The following GRIK1 variants were observed in gnomAD, a reference collection of about 807,000 sequenced individuals.
The protein encoded by GRIK1 is glutamate receptor ionotropic, kainate 1.
In GRIK1, 69 loss-of-function variants were observed where a neutral mutation model predicts 105.7. That is an observed-to-expected ratio of 0.65 (90% CI 0.54 to 0.80). The LOEUF is 0.80. GRIK1 is among the 30% of genes least tolerant of loss of function. The pLI is 0.00. For synonymous variants in GRIK1, 438 were observed against 431.3 expected, an observed-to-expected ratio of 1.02 and a Z score of -0.19; for missense variants, 1,109 against 1,167.3, an observed-to-expected ratio of 0.95 and a Z score of 0.73.
intron 1 of GRIK1, among the ~76,000 whole-genome samples, chr21:29,921,919 A>T (rs1017665820): frequency 1.3e-5 from 2 of 152,162 alleles, no homozygotes; most frequent in Non-Finnish European, 2.9e-5. Flanking sequence ...ACAATCTAAG[A>T]ATAATTTTGC....
rs551273453 is a variant in GRIK1, at chr21:29,743,200, T to A, written c.119-49137A>T. On this transcript the variant is annotated intron_variant, in intron 1 of 17. Transcript: ENST00000327783. Reference sequence around the variant, plus strand: ...ATGAAGCAAATGTGGCAGAATGGTGTCAAGTGATGGCTCACTGAAGGGCAT... The same window carrying A: ...ATGAAGCAAATGTGGCAGAATGGTGACAAGTGATGGCTCACTGAAGGGCAT... Among the ~76,000 whole-genome samples the A allele has an allele frequency of 1.2e-4, 18 of 152,308 alleles. No homozygotes were observed. The South Asian group carries it at 3.5e-3, about 30-fold the overall frequency.
In GRIK1 at chr21:29,701,491, C is replaced by T. The variant is rs551810590; in HGVS notation, c.119-7428G>A. On this transcript the variant is annotated intron_variant, in intron 1 of 17. Coordinates refer to ENST00000327783, the MANE Select transcript of GRIK1 (RefSeq NM_001330994.2). Reference sequence around the variant, plus strand: ...GAGCTGGGCTTGGACTGGTAGAAGACGAGCTCAGAGAAGTGATGGGTGGAT... The same window carrying T: ...GAGCTGGGCTTGGACTGGTAGAAGATGAGCTCAGAGAAGTGATGGGTGGAT... Among the ~76,000 whole-genome samples, 8 of 152,208 alleles carry T rather than the reference C, an allele frequency of 5.3e-5. No individual in the cohort carries two copies. In the East Asian group the frequency reaches 9.7e-4, roughly 18 times the overall value.
At chr21:29,887,289 C>A (rs1446627200) in intron 1 of GRIK1, among the ~76,000 whole-genome samples, 2 of 152,158 alleles carry the variant, frequency 1.3e-5, no homozygotes, top group African/African-American at 4.8e-5. Flanking sequence ...ATAAGTGTCA[C>A]TTACTTCTTT....
chr21:29,774,446 CTTTTTTTT>C (rs34378438), intron 1 of GRIK1, among the ~76,000 whole-genome samples: 2 of 102,432 alleles, frequency 2.0e-5, no homozygotes, highest in African/African-American at 3.4e-5. Flanking sequence ...TTATTTTGCT[CTTTTTTTT>C]TTTTTTTTTT....
At chr21:29,621,976 C>T (rs1045968969) in intron 7 of GRIK1, among the ~76,000 whole-genome samples, 3 of 148,680 alleles carry the variant, frequency 2.0e-5, no homozygotes, top group African/African-American at 7.4e-5. Flanking sequence ...GTTGGAGTTT[C>T]GCTCTTGTTG....
chr21:29,608,374 T>C (rs938704998), intron 7 of GRIK1, among the ~76,000 whole-genome samples: 1 of 152,130 alleles, frequency 6.6e-6, no homozygotes, highest in Admixed American at 6.6e-5. Context: ...GGAAACAGAA[T>C]TTTATTTACC....
chr21:29,673,036 A>T lies in GRIK1; in HGVS notation c.673T>A (p.Phe225Ile), dbSNP rs750159587. The T allele has an allele frequency of 1.9e-5, 30 of 1,613,288 alleles. No homozygotes were observed. In the East Asian group the frequency reaches 6.7e-4, roughly 36 times the overall value. ...LLKEMKKGKE[F>I]YVIFDCSHET... ...TGTGAACAATCAAATATCACATAGAACTCCTTGCCTTTCTTCATCTCCTTG... is the reference window on the plus strand; with the variant it reads ...TGTGAACAATCAAATATCACATAGATCTCCTTGCCTTTCTTCATCTCCTTG... Residue 225 changes from phenylalanine (F) to isoleucine (I), a missense_variant, in exon 4 of 18, where the codon TTC (phenylalanine) becomes ATC (isoleucine). Phe to Ile is a conservative substitution (Grantham distance 21). Transcript: ENST00000327783.
intron 17 of GRIK1, 27 bp downstream of exon 17, chr21:29,537,771 C>A (rs1191858073): frequency 4.8e-6 from 5 of 1,050,098 alleles, no homozygotes; most frequent in Non-Finnish European, 7.5e-6. Context: ...ACGGACACTT[C>A]AGTAATGCTA....
At chr21:29,560,519 C>CCTTCCTTCCTTTCTTTCTTT (rs2090436242) in intron 15 of GRIK1, among the ~76,000 whole-genome samples, 2 of 57,812 alleles carry the variant, frequency 3.5e-5, no homozygotes, top group African/African-American at 9.4e-5. Context: ...TTCCTTCCTT[C>CCTTCCTTCCTTTCTTTCTTT]CTTTCTTTCT....
chr21:29,572,624 G>T (rs1025348132), intron 14 of GRIK1, among the ~76,000 whole-genome samples: 2 of 152,160 alleles, frequency 1.3e-5, no homozygotes, highest in Non-Finnish European at 2.9e-5. Context: ...TCATGGAACT[G>T]ACTTTCTAGA....
At chr21:29,909,342 T>G (rs1412527162) in intron 1 of GRIK1, among the ~76,000 whole-genome samples, 1 of 151,968 alleles carries the variant, frequency 6.6e-6, no homozygotes, top group Admixed American at 6.6e-5. Context: ...ATTGGCTCCT[T>G]TGTGAGGTTT....
Position 29,833,063 on chromosome 21 carries a change from C to T in GRIK1, c.118+106320G>A, listed in dbSNP as rs569244709. Among the ~76,000 whole-genome samples, 36 of 152,276 alleles carry T rather than the reference C, an allele frequency of 2.4e-4. 1 individual carries two copies. The South Asian group carries it at 7.5e-3, about 32-fold the overall frequency. On this transcript the variant is annotated intron_variant, in intron 1 of 17. Coordinates refer to ENST00000327783, the MANE Select transcript of GRIK1 (RefSeq NM_001330994.2). ...AATCATCACTCTCTGGTTCAAAGTT[C>T]CATAGATCTCTAGGGTAGGGGCACA...
At chr21:29,803,083 G>A (rs1048181261) in intron 1 of GRIK1, among the ~76,000 whole-genome samples, 7 of 152,000 alleles carry the variant, frequency 4.6e-5, no homozygotes, top group Non-Finnish European at 8.8e-5. Flanking sequence ...ATGAGATGTG[G>A]ATATTTACGA....
Position 29,591,244 on chromosome 21 carries a change from A to T in GRIK1, c.1252-19T>A, listed in dbSNP as rs374385534. ...TCCCAATCTACACAGAACACAGTAC[A>T]TCAGAGGCTGCTGGCTGTCAGTGTG... On this transcript the variant is annotated intron_variant, in intron 9 of 17. Coordinates refer to ENST00000327783, the MANE Select transcript of GRIK1 (RefSeq NM_001330994.2). 3 of 1,371,366 alleles carry T rather than the reference A, an allele frequency of 2.2e-6. No homozygotes were observed. The highest frequency in any genetic ancestry group is 2.8e-5 in the African/African-American group (2 of 70,280). The allele number at this position is 1,371,366 out of a possible 1,614,324, so 84.9% of individuals were successfully genotyped here. A position where few individuals can be genotyped will look rare whatever the true frequency, so the allele number is the denominator to read the frequency against.
chr21:29,678,362 A>G (rs1217188256), intron 3 of GRIK1, among the ~76,000 whole-genome samples: 1 of 152,190 alleles, frequency 6.6e-6, no homozygotes, highest in Non-Finnish European at 1.5e-5. Flanking sequence ...TGCAACAGAG[A>G]AGGCAAGTGG....
intron 16 of GRIK1, among the ~76,000 whole-genome samples, chr21:29,540,714 A>G (rs2123645187): frequency 6.6e-6 from 1 of 152,296 alleles, no homozygotes. Flanking sequence ...GGTTTTTCAT[A>G]TTCACAGAGC....
chr21:29,550,879 T>C (rs563511512), intron 16 of GRIK1, among the ~76,000 whole-genome samples: 27 of 152,376 alleles, frequency 1.8e-4, no homozygotes, highest in African/African-American at 6.5e-4. Flanking sequence ...TATTTAATTA[T>C]CATAGTAAAT....
chr21:29,829,574 G>A (rs917549430), intron 1 of GRIK1, among the ~76,000 whole-genome samples: 6 of 152,154 alleles, frequency 3.9e-5, no homozygotes, highest in Non-Finnish European at 8.8e-5. Context: ...TTAGCAAGCA[G>A]TGCCACTCAG....
At chr21:29,936,831 G>A (rs922273902) in intron 1 of GRIK1, among the ~76,000 whole-genome samples, 1 of 152,192 alleles carries the variant, frequency 6.6e-6, no homozygotes, top group Non-Finnish European at 1.5e-5. Context: ...AAGTAGACCA[G>A]TAATTAATTC....
Sources: gnomAD v4.1 joint callset for allele counts (sites outside exome capture counted in the v4.1 genomes callset) on GRCh38, gnomAD v4.1.1 for gene constraint, MANE v1.5 for transcripts, NCBI Gene and HGNC (gene_info 2026-07-23, HGNC 2026-07-21) for gene names.